RANBP2: variants seen among roughly 807,000 people sequenced by gnomAD.
RANBP2 encodes E3 SUMO-protein ligase RanBP2.
A neutral mutation model predicts 303.6 loss-of-function variants in RANBP2; 57 were observed. That is an observed-to-expected ratio of 0.19 (90% CI 0.15 to 0.23). The LOEUF (loss-of-function observed/expected upper bound fraction) is 0.23. Ranked by LOEUF, RANBP2 falls within the 10% of genes least tolerant of loss-of-function variation. The pLI is 1.00. For missense variants in RANBP2, 3,138 were observed against 3,780.8 expected, an observed-to-expected ratio of 0.83 and a Z score of 4.46; for synonymous variants, 1,167 against 1,301.5, an observed-to-expected ratio of 0.90 and a Z score of 2.23.
At chr2:109,147,355 G>C in the RANBP2 span, among the ~76,000 whole-genome samples, 1 of 152,170 alleles carries the variant, frequency 6.6e-6, no homozygotes, top group Admixed American at 6.5e-5. Context: ...CTATCTCTGC[G>C]CTGATAAGCA....
At chr2:108,847,813 T>A in the RANBP2 span, among the ~76,000 whole-genome samples, 1 of 152,192 alleles carries the variant, frequency 6.6e-6, no homozygotes, top group Non-Finnish European at 1.5e-5. Flanking sequence ...CTCCCGATGG[T>A]ATGGAATTGA....
chr2:108,783,333 TAAAAAAAAA>T (rs71381992), intron 28 of RANBP2, among the ~76,000 whole-genome samples: 65 of 41,430 alleles, frequency 1.6e-3, no homozygotes, highest in South Asian at 8.7e-3. Flanking sequence ...AGCCTGTCAT[TAAAAAAAAA>T]AAAAAAAAAA....
the RANBP2 span, among the ~76,000 whole-genome samples, chr2:109,097,334 A>G: frequency 6.9e-6 from 1 of 145,258 alleles, no homozygotes; most frequent in Non-Finnish European, 1.6e-5. Context: ...ACAAAACAAA[A>G]CAAAACAAAA....
chr2:109,144,337 A>G, the RANBP2 span, among the ~76,000 whole-genome samples: 1 of 152,244 alleles, frequency 6.6e-6, no homozygotes, highest in Non-Finnish European at 1.5e-5. Context: ...AACAGGGGAA[A>G]TATAAATTTA....
the RANBP2 span, among the ~76,000 whole-genome samples, chr2:109,556,761 A>C: frequency 2.0e-5 from 3 of 152,144 alleles, no homozygotes; most frequent in Non-Finnish European, 4.4e-5. Context: ...TTTAAAGACA[A>C]GCTTGATGTA....
chr2:109,625,087 C>CAAAAAAAAAAAAAA, the RANBP2 span, among the ~76,000 whole-genome samples: 17 of 60,042 alleles, frequency 2.8e-4, no homozygotes, highest in South Asian at 6.6e-4. Flanking sequence ...ACAACAACAA[C>CAAAAAAAAAAAAAA]AAAAAAAAAA....
chr2:109,533,166 G>A, the RANBP2 span, among the ~76,000 whole-genome samples: 1 of 152,150 alleles, frequency 6.6e-6, no homozygotes, highest in Admixed American at 6.5e-5. Flanking sequence ...GAGGAAAGAG[G>A]GAGGGAGGGT....
chr2:109,496,527 T>G, the RANBP2 span, among the ~76,000 whole-genome samples: 1 of 152,222 alleles, frequency 6.6e-6, no homozygotes, highest in Non-Finnish European at 1.5e-5. Flanking sequence ...ATGATAATAG[T>G]AAGTCAGTGA....
At chr2:108,833,894 ATTTTTTTTTT>A in the RANBP2 span, among the ~76,000 whole-genome samples, 4 of 79,242 alleles carry the variant, frequency 5.0e-5, no homozygotes, top group Admixed American at 1.8e-4. Flanking sequence ...CGCCCGGCTA[ATTTTTTTTTT>A]TTTTTTTTTT....
the RANBP2 span, among the ~76,000 whole-genome samples, chr2:109,286,234 C>T: frequency 6.6e-6 from 1 of 152,194 alleles, no homozygotes; most frequent in African/African-American, 2.4e-5. Flanking sequence ...CATTCTGTTT[C>T]TCTGAGGGAG....
At chr2:109,395,301 C>A in the RANBP2 span, among the ~76,000 whole-genome samples, 1 of 152,200 alleles carries the variant, frequency 6.6e-6, no homozygotes. Flanking sequence ...TCTGGGCTTT[C>A]AGAACGAAGA....
the RANBP2 span, among the ~76,000 whole-genome samples, chr2:109,713,852 T>C: frequency 6.6e-6 from 1 of 152,256 alleles, no homozygotes; most frequent in African/African-American, 2.4e-5. Context: ...CTGTTTTTGC[T>C]ACTCTTACAC....
chr2:109,383,222 T>C, the RANBP2 span, among the ~76,000 whole-genome samples: 168 of 152,362 alleles, frequency 1.1e-3, no homozygotes, highest in African/African-American at 4.0e-3. Context: ...GCAGCACTTC[T>C]TGGCTGAGGT....
chr2:109,255,770 C>A, the RANBP2 span, among the ~76,000 whole-genome samples: 1 of 152,194 alleles, frequency 6.6e-6, no homozygotes, highest in Admixed American at 6.5e-5. Context: ...ATCTCAGCTT[C>A]CTGATTTAAT....
chr2:108,822,447 C>T, the RANBP2 span, among the ~76,000 whole-genome samples: 1 of 152,172 alleles, frequency 6.6e-6, no homozygotes, highest in Non-Finnish European at 1.5e-5. Flanking sequence ...AATAAATTAA[C>T]TCGATCTGTC....
the RANBP2 span, among the ~76,000 whole-genome samples, chr2:109,475,252 C>T: frequency 6.6e-6 from 1 of 152,236 alleles, no homozygotes; most frequent in South Asian, 2.1e-4. Context: ...GCTAGGATTA[C>T]AGGCGTGAGC....
the RANBP2 span, chr2:109,667,105 C>A: frequency 1.1e-6 from 1 of 936,308 alleles, no homozygotes; most frequent in Non-Finnish European, 1.7e-6. Context: ...CTAAATATAT[C>A]CCAGTTTTTG....
At chr2:108,742,541 C>A (rs826564) in intron 7 of RANBP2, among the ~76,000 whole-genome samples, 39,320 of 150,920 alleles carry the variant, frequency 0.26, 5,439 homozygotes, top group African/African-American at 0.35. Context: ...TCTGACCTCG[C>A]GATCCACCCG....
At chr2:109,316,493 G>A in the RANBP2 span, among the ~76,000 whole-genome samples, 47,375 of 152,012 alleles carry the variant, frequency 0.31, 9,140 homozygotes, top group African/African-American at 0.55. Flanking sequence ...CCATGACATG[G>A]AGAGAACTTA....
Sources: allele counts gnomAD v4.1 joint callset (sites outside exome capture counted in the v4.1 genomes callset), GRCh38; gene constraint gnomAD v4.1.1; transcripts MANE v1.5; gene names NCBI Gene and HGNC (gene_info 2026-07-23, HGNC 2026-07-21).